The following ADAMTS16 variants were observed in gnomAD, a reference collection of about 807,000 sequenced individuals.
ADAMTS16 encodes the protein A disintegrin and metalloproteinase with thrombospondin motifs 16.
ADAMTS16 carries 94 observed loss-of-function variants against 145.8 expected under a neutral mutation model. The ratio of observed to expected loss-of-function variants is 0.64; its 90% confidence interval spans 0.55 to 0.77. The LOEUF is 0.77. ADAMTS16 is among the 30% of genes least tolerant of loss of function. ADAMTS16 has a pLI of 0.00. For synonymous variants in ADAMTS16, 659 were observed against 604.3 expected, an observed-to-expected ratio of 1.09 and a Z score of -1.33; for missense variants, 1,585 against 1,591.5, an observed-to-expected ratio of 1.00 and a Z score of 0.07.
At chr5:5,281,768 T>C (rs1264563913) in intron 18 of ADAMTS16, among the ~76,000 whole-genome samples, 4 of 152,216 alleles carry the variant, frequency 2.6e-5, no homozygotes, top group African/African-American at 7.2e-5. Flanking sequence ...GGGTGGTTTA[T>C]AGGCAATGAA....
chr5:5,260,034 C>G (rs1447434931), intron 17 of ADAMTS16, among the ~76,000 whole-genome samples: 2 of 152,216 alleles, frequency 1.3e-5, no homozygotes, highest in Admixed American at 1.3e-4. Flanking sequence ...GATGTTGAAT[C>G]TACAGACTTA....
At chr5:5,201,050 T>A (rs1735939426) in intron 9 of ADAMTS16, among the ~76,000 whole-genome samples, 1 of 152,226 alleles carries the variant, frequency 6.6e-6, no homozygotes, top group African/African-American at 2.4e-5. Context: ...TTTCTGACAT[T>A]ACAGTCCAGT....
chr5:5,311,310 A>T (rs74288248), intron 21 of ADAMTS16, among the ~76,000 whole-genome samples: 1 of 145,454 alleles, frequency 6.9e-6, no homozygotes, highest in African/African-American at 2.6e-5. Flanking sequence ...CAAAAAAAAA[A>T]AAAAAAACAA....
intron 20 of ADAMTS16, among the ~76,000 whole-genome samples, chr5:5,305,183 ATCC>A (rs1314397484): frequency 1.2e-4 from 10 of 83,500 alleles, no homozygotes; most frequent in East Asian, 4.5e-4. Flanking sequence ...CCACACACAC[ATCC>A]CACACCAAAC....
At chr5:5,248,807 A>G (rs1737535823) in intron 17 of ADAMTS16, among the ~76,000 whole-genome samples, 1 of 152,214 alleles carries the variant, frequency 6.6e-6, no homozygotes, top group South Asian at 2.1e-4. Context: ...CTGTCTGTAC[A>G]TATTTTTACA....
Position 5,182,311 on chromosome 5 carries a change from T to C in ADAMTS16, c.763+6T>C. 1.2e-6 allele frequency: 2 copies of C among 1,607,166 alleles called. No homozygotes were observed. Among genetic ancestry groups the C allele is most frequent in the Non-Finnish European group, 1.7e-6 (2 of 1,174,814 alleles). On this transcript the variant is annotated splice_donor_region_variant and intron_variant, in intron 4 of 22. Coordinates refer to ENST00000274181, the MANE Select transcript of ADAMTS16 (RefSeq NM_139056.4). ...CTGTGGAAGACGCAAGAAATGTATG[T>C]AAGGGCGAATCTTTGTGTGTATTTA...
intron 20 of ADAMTS16, among the ~76,000 whole-genome samples, chr5:5,306,055 C>CA (rs2126521165): frequency 6.6e-6 from 1 of 152,346 alleles, no homozygotes; most frequent in Non-Finnish European, 1.5e-5. Flanking sequence ...AGGCAGCACT[C>CA]AGATGCCTAG....
intron 9 of ADAMTS16, among the ~76,000 whole-genome samples, chr5:5,206,818 A>G (rs902688273): frequency 1.3e-5 from 2 of 152,048 alleles, no homozygotes; most frequent in African/African-American, 4.8e-5. Context: ...CAATTGTTTC[A>G]GTATGATCAG....
intron 3 of ADAMTS16, among the ~76,000 whole-genome samples, chr5:5,181,657 A>G (rs997170010): frequency 2.0e-5 from 3 of 152,174 alleles, no homozygotes; most frequent in Non-Finnish European, 2.9e-5. Flanking sequence ...TGATCACTTT[A>G]TCTGAGACCC....
At chr5:5,152,107 T>G (rs1277180172) in intron 3 of ADAMTS16, among the ~76,000 whole-genome samples, 2 of 152,264 alleles carry the variant, frequency 1.3e-5, no homozygotes, top group Non-Finnish European at 2.9e-5. Flanking sequence ...ATCTTTATTA[T>G]TTTTGACAAT....
intron 8 of ADAMTS16, among the ~76,000 whole-genome samples, chr5:5,194,893 A>G (rs1379905388): frequency 6.6e-6 from 1 of 152,198 alleles, no homozygotes; most frequent in African/African-American, 2.4e-5. Flanking sequence ...ACTGCTTCGA[A>G]GGTAAATTTT....
chr5:5,176,043 A>C (rs1276567281), intron 3 of ADAMTS16: 1 of 151,834 alleles, frequency 6.6e-6, no homozygotes, highest in Admixed American at 6.5e-5. Context: ...ATGGTTGTCC[A>C]ATCTGGTGCT....
chr5:5,176,410 C>A (rs1041083828), intron 3 of ADAMTS16, among the ~76,000 whole-genome samples: 1 of 152,138 alleles, frequency 6.6e-6, no homozygotes, highest in Non-Finnish European at 1.5e-5. Flanking sequence ...AAGCTCTAAT[C>A]AAAAATTATA....
intron 17 of ADAMTS16, among the ~76,000 whole-genome samples, chr5:5,257,730 T>C (rs979591422): frequency 6.6e-6 from 1 of 152,200 alleles, no homozygotes; most frequent in African/African-American, 2.4e-5. Flanking sequence ...GGCAGCTTGG[T>C]GTCCTACAAT....
intron 21 of ADAMTS16, among the ~76,000 whole-genome samples, chr5:5,309,779 T>A (rs1257508198): frequency 3.3e-5 from 5 of 151,440 alleles, no homozygotes; most frequent in Non-Finnish European, 5.9e-5. Flanking sequence ...TGGTTTGGGG[T>A]GGGCTGGAGA....
intron 18 of ADAMTS16, among the ~76,000 whole-genome samples, chr5:5,267,929 C>T (rs750460538): frequency 7.9e-5 from 12 of 152,170 alleles, no homozygotes; most frequent in Non-Finnish European, 1.5e-4. Context: ...GAGAATCGTG[C>T]CTGGCTCACG....
intron 3 of ADAMTS16, among the ~76,000 whole-genome samples, chr5:5,167,169 A>G (rs1353320350): frequency 6.6e-6 from 1 of 152,160 alleles, no homozygotes; most frequent in Admixed American, 6.5e-5. Context: ...CCCCACCCAC[A>G]TTGGAACCTA....
chr5:5,271,505 C>T (rs1278477686), intron 18 of ADAMTS16, among the ~76,000 whole-genome samples: 4 of 152,268 alleles, frequency 2.6e-5, no homozygotes, highest in African/African-American at 9.6e-5. Context: ...CATCTGCATT[C>T]TAGCATGAAT....
intron 18 of ADAMTS16, among the ~76,000 whole-genome samples, chr5:5,299,548 G>A (rs1237333476): frequency 6.6e-6 from 1 of 152,050 alleles, no homozygotes; most frequent in African/African-American, 2.4e-5. Context: ...GAGTCATTTT[G>A]TTGAGAAATG....
Sources: gnomAD v4.1 joint callset for allele counts (sites outside exome capture counted in the v4.1 genomes callset) on GRCh38, gnomAD v4.1.1 for gene constraint, MANE v1.5 for transcripts, NCBI Gene and HGNC (gene_info 2026-07-23, HGNC 2026-07-21) for gene names.